Variants in PCDHGB6 observed in about 807,000 individuals in gnomAD.
PCDHGB6 encodes protocadherin gamma-B6.
A neutral mutation model predicts 59.1 loss-of-function variants in PCDHGB6; 51 were observed. The observed-to-expected ratio is 0.86, with a 90% confidence interval of 0.69 to 1.09. PCDHGB6 has a LOEUF of 1.09. Ranked by LOEUF, PCDHGB6 falls within the 50% of genes least tolerant of loss-of-function variation. The probability of loss-of-function intolerance (pLI) is 0.00; values close to 1 mark genes in which losing one functional copy is unlikely to be tolerated. For missense variants in PCDHGB6, 1,148 were observed against 1,205.1 expected, an observed-to-expected ratio of 0.95 and a Z score of 0.70; for synonymous variants, 466 against 495.1, an observed-to-expected ratio of 0.94 and a Z score of 0.78.
rs1452697214 is a variant in PCDHGB6, at chr5:141,476,552, G to A, written c.2419-18255G>A. ...CCAGGAAATGAAATTGGAGATTAGCGAGGCCGTGGCTCCGGGGACGCGCTT... is the reference window on the plus strand; with the variant it reads ...CCAGGAAATGAAATTGGAGATTAGCAAGGCCGTGGCTCCGGGGACGCGCTT... On this transcript the variant is annotated intron_variant, in intron 1 of 3. Transcript: ENST00000520790. The surrounding 1 kb of genome is among the most constrained non-coding windows in gnomAD (Gnocchi z 7.6). 1 of 1,614,210 alleles carries A rather than the reference G, an allele frequency of 6.2e-7. No homozygotes were observed. Among genetic ancestry groups the A allele is most frequent in the Non-Finnish European group, 8.5e-7 (1 of 1,180,032 alleles).
rs1406362621 is a variant in PCDHGB6, at chr5:141,477,099, G to A, written c.2419-17708G>A. On this transcript the variant is annotated intron_variant, in intron 1 of 3. Transcript: ENST00000520790. This position sits in a 1 kb window ranked among gnomAD's most constrained non-coding sequence, Gnocchi z 4.9. ...ATTTACATCCAGGCCAAAGACAAGG[G>A]CGCCAATCCCGAAGGAGCACATTGC... The A allele has an allele frequency of 6.2e-7, 1 of 1,614,256 alleles. No individual in the cohort carries two copies. Among genetic ancestry groups the A allele is most frequent in the Non-Finnish European group, 8.5e-7 (1 of 1,180,054 alleles).
At chr5:141,441,793 C>T (rs961624726) in intron 1 of PCDHGB6, 7 of 391,390 alleles carry the variant, frequency 1.8e-5, no homozygotes, top group Non-Finnish European at 3.6e-5. Flanking sequence ...AATGACAACG[C>T]ACCGCGGGTG....
rs1191643556 is a variant in PCDHGB6 at position 141,486,302 on chromosome 5, C to A, written c.2419-8505C>A. On this transcript the variant is annotated intron_variant, in intron 1 of 3. Transcript: ENST00000520790. The surrounding 1 kb of genome is among the most constrained non-coding windows in gnomAD (Gnocchi z 5.0). ...GGTGGCACTTATCAGTGTGCAGGAT[C>A]CAGACTCAGGGTCAAACGGAGATGT... The A allele has an allele frequency of 6.2e-7, 1 of 1,614,036 alleles. No individual in the cohort carries two copies. The highest frequency in any genetic ancestry group is 8.5e-7 in the Non-Finnish European group (1 of 1,179,994).
chr5:141,489,260 CACA>C lies in PCDHGB6; in HGVS notation c.2419-5546_2419-5544del, dbSNP rs1242559724. 1 of 1,552,022 alleles carries C rather than the reference CACA, an allele frequency of 6.4e-7. No individual in the cohort carries two copies. Among genetic ancestry groups the C allele is most frequent in the Non-Finnish European group, 8.7e-7 (1 of 1,149,038 alleles). ...TGGGTCATGGGGCCCAAGACACTCCCACAGCTCGCTGGGAAATGGCAAGTGCTG... is the reference window on the plus strand; with the variant it reads ...TGGGTCATGGGGCCCAAGACACTCCCGCTCGCTGGGAAATGGCAAGTGCTG... On this transcript the variant is annotated intron_variant, in intron 1 of 3. Coordinates refer to ENST00000520790, the MANE Select transcript of PCDHGB6 (RefSeq NM_018926.3). The surrounding 1 kb of genome is among the most constrained non-coding windows in gnomAD (Gnocchi z 4.5).
chr5:141,433,209 T>A, intron 1 of PCDHGB6: 3 of 465,024 alleles, frequency 6.5e-6, no homozygotes, highest in South Asian at 1.0e-4. Context: ...ATCTTCTTTC[T>A]TTTTTTTTTT....
chr5:141,456,383 T>G (rs1372337704), intron 1 of PCDHGB6, among the ~76,000 whole-genome samples: 4 of 152,130 alleles, frequency 2.6e-5, no homozygotes, highest in Admixed American at 2.6e-4. Flanking sequence ...ACAGCACCGT[T>G]TGGAGTTTGA....
chr5:141,434,072 A>G lies in PCDHGB6; in HGVS notation c.2418+23452A>G, dbSNP rs558084143. On this transcript the variant is annotated intron_variant, in intron 1 of 3. Coordinates refer to ENST00000520790, the MANE Select transcript of PCDHGB6 (RefSeq NM_018926.3). ...CAATGGCCTGTAATCTGTTAATATC[A>G]ATTATTTATTTTGATGCTGAAATTG... Among the ~76,000 whole-genome samples the G allele has an allele frequency of 1.9e-3, 289 of 152,072 alleles. 1 individual carries two copies. Among genetic ancestry groups the G allele is most frequent in the African/African-American group, 6.7e-3 (276 of 41,486 alleles).
At chr5:141,501,691 G>C (rs910322085) in intron 2 of PCDHGB6, among the ~76,000 whole-genome samples, 1 of 152,092 alleles carries the variant, frequency 6.6e-6, no homozygotes, top group Non-Finnish European at 1.5e-5. Context: ...CTTATCTGCA[G>C]GGTGATTCCG....
intron 1 of PCDHGB6, chr5:141,426,510 T>C: frequency 2.9e-6 from 1 of 342,914 alleles, no homozygotes; most frequent in Non-Finnish European, 5.8e-6. Context: ...AACAATACTT[T>C]ACCGTGAACA....
chr5:141,418,093 C>A, intron 1 of PCDHGB6: 2 of 1,614,032 alleles, frequency 1.2e-6, no homozygotes, highest in Non-Finnish European at 1.7e-6. Context: ...TCAGCGTAGA[C>A]GCGCAGAGCG....
chr5:141,472,852 G>A (rs1354948628), intron 1 of PCDHGB6, among the ~76,000 whole-genome samples: 1 of 151,160 alleles, frequency 6.6e-6, no homozygotes, highest in African/African-American at 2.4e-5. Flanking sequence ...TGGGCATGGT[G>A]GCACATGCCT....
intron 1 of PCDHGB6, chr5:141,478,809 C>G: frequency 6.9e-7 from 1 of 1,453,454 alleles, no homozygotes; most frequent in Non-Finnish European, 9.0e-7. Flanking sequence ...CTTTTGCTAT[C>G]ACAACTAACC....
Position 141,485,716 on chromosome 5 carries a change from T to C in PCDHGB6, c.2419-9091T>C. Reference sequence around the variant, plus strand: ...GCTCCAATGAACACTTTGCACTGGATGTGAAGAAGCGCAGCGACGGCAGCC... The same window carrying C: ...GCTCCAATGAACACTTTGCACTGGACGTGAAGAAGCGCAGCGACGGCAGCC... On this transcript the variant is annotated intron_variant, in intron 1 of 3. Coordinates refer to ENST00000520790, the MANE Select transcript of PCDHGB6 (RefSeq NM_018926.3). The surrounding 1 kb of genome is among the most constrained non-coding windows in gnomAD (Gnocchi z 5.7). The C allele has an allele frequency of 6.2e-7, 1 of 1,614,044 alleles. No individual in the cohort carries two copies. Among genetic ancestry groups the C allele is most frequent in the Non-Finnish European group, 8.5e-7 (1 of 1,180,002 alleles).
intron 1 of PCDHGB6, chr5:141,413,625 C>T (rs372855865): frequency 1.2e-6 from 2 of 1,613,854 alleles, no homozygotes; most frequent in Admixed American, 3.3e-5. Context: ...ATGAAAATGT[C>T]GCTGCGGGAA....
chr5:141,439,667 C>T (rs149776177), intron 1 of PCDHGB6, among the ~76,000 whole-genome samples: 2,012 of 152,292 alleles, frequency 0.013, 16 homozygotes, highest in Middle Eastern at 0.034. Context: ...TCATGGAATG[C>T]AAATCCAAGA....
intron 1 of PCDHGB6, among the ~76,000 whole-genome samples, chr5:141,467,820 G>T (rs1278112158): frequency 6.6e-6 from 1 of 151,884 alleles, no homozygotes; most frequent in African/African-American, 2.4e-5. Flanking sequence ...CACCACACCA[G>T]GCTGATTTTT....
intron 1 of PCDHGB6, among the ~76,000 whole-genome samples, chr5:141,452,072 G>A (rs550370876): frequency 1.3e-5 from 2 of 152,272 alleles, no homozygotes; most frequent in East Asian, 1.9e-4. Flanking sequence ...ACTTTTATTA[G>A]TTGGCATTAT....
At position 141,487,791 on chromosome 5, in the gene PCDHGB6, C is replaced by T; in HGVS notation, c.2419-7016C>T. ...CTTTGTAACTGTTTCGTGAATTAAC[C>T]AGAGTTGTCACAGTTTAGCATTGGG... On this transcript the variant is annotated intron_variant, in intron 1 of 3. Coordinates refer to ENST00000520790, the MANE Select transcript of PCDHGB6 (RefSeq NM_018926.3). This position sits in a 1 kb window ranked among gnomAD's most constrained non-coding sequence, Gnocchi z 5.0. 6.6e-7 allele frequency: 1 copy of T among 1,510,152 alleles called. No individual in the cohort carries two copies. The highest frequency in any genetic ancestry group is 1.4e-5 in the African/African-American group (1 of 72,206). The allele number at this position is 1,510,152 out of a possible 1,614,324, so 93.5% of individuals were successfully genotyped here. A position where few individuals can be genotyped will look rare whatever the true frequency, so the allele number is the denominator to read the frequency against.
At chr5:141,423,510 TGCGGACTC>T in intron 1 of PCDHGB6, 1 of 1,613,792 alleles carries the variant, frequency 6.2e-7, no homozygotes, top group South Asian at 1.1e-5. Context: ...TCTCTCTCAT[TGCGGACTC>T]GCAGAAGAGT....
Sources: allele counts gnomAD v4.1 joint callset (sites outside exome capture counted in the v4.1 genomes callset), GRCh38; gene constraint gnomAD v4.1.1; non-coding constraint Gnocchi (gnomAD v3.1); transcripts MANE v1.5; gene names NCBI Gene and HGNC (gene_info 2026-07-23, HGNC 2026-07-21).